The following CDYL variants were observed in gnomAD, a reference collection of about 807,000 sequenced individuals.
CDYL encodes the protein chromodomain Y-like protein.
In CDYL, 8 loss-of-function variants were observed where a neutral mutation model predicts 47.3. That is an observed-to-expected ratio of 0.17 (90% CI 0.10 to 0.31). CDYL has a LOEUF of 0.31. Among genes scored for constraint, CDYL ranks in the 10% least tolerant of loss-of-function variants. The pLI, the probability that CDYL is intolerant of heterozygous loss-of-function variation, is 1.00. For missense variants in CDYL, 471 were observed against 701.4 expected, an observed-to-expected ratio of 0.67 and a Z score of 3.71; for synonymous variants, 266 against 265.0, an observed-to-expected ratio of 1.00 and a Z score of -0.04.
chr6:4,947,258 C>G (rs77996387), intron 5 of CDYL, among the ~76,000 whole-genome samples: 7,987 of 152,252 alleles, frequency 0.052, 287 homozygotes, highest in Non-Finnish European at 0.071. Flanking sequence ...CTTACGTGTT[C>G]TGATAGGGAT....
chr6:4,719,363 A>G (rs959781355), intron 2 of CDYL, among the ~76,000 whole-genome samples: 2 of 152,192 alleles, frequency 1.3e-5, no homozygotes, highest in Non-Finnish European at 2.9e-5. Flanking sequence ...TAACGGTATT[A>G]ATACACATTG....
intron 2 of CDYL, among the ~76,000 whole-genome samples, chr6:4,925,610 G>T (rs1390634483): frequency 2.0e-5 from 3 of 151,842 alleles, no homozygotes; most frequent in South Asian, 2.1e-4. Context: ...TAGAGGCGGG[G>T]TTTCACCGTG....
intron 1 of CDYL, among the ~76,000 whole-genome samples, chr6:4,850,702 C>T (rs984071255): frequency 3.3e-5 from 5 of 152,054 alleles, no homozygotes; most frequent in African/African-American, 7.2e-5. Flanking sequence ...ATAGTTAGAT[C>T]GTGAAAGCCA....
intron 1 of CDYL, among the ~76,000 whole-genome samples, chr6:4,825,438 C>G (rs1400878103): frequency 6.6e-6 from 1 of 152,056 alleles, no homozygotes; most frequent in African/African-American, 2.4e-5. Flanking sequence ...GCTATAACTT[C>G]CAGTTATACA....
intron 2 of CDYL, among the ~76,000 whole-genome samples, chr6:4,719,293 T>TG (rs1757327386): frequency 6.6e-6 from 1 of 152,236 alleles, no homozygotes; most frequent in African/African-American, 2.4e-5. Context: ...TGCATGTATC[T>TG]GGGTGTCTCT....
intron 2 of CDYL, among the ~76,000 whole-genome samples, chr6:4,726,400 T>C (rs549821193): frequency 6.6e-6 from 1 of 151,942 alleles, no homozygotes; most frequent in South Asian, 2.1e-4. Flanking sequence ...CCAGGCGTGG[T>C]ACGCACCTGT....
chr6:4,787,632 A>G (rs920037051), intron 1 of CDYL, among the ~76,000 whole-genome samples: 2 of 152,142 alleles, frequency 1.3e-5, no homozygotes, highest in Non-Finnish European at 2.9e-5. Context: ...TCAACAGAAA[A>G]GAAATCGTGG....
chr6:4,741,226 C>T (rs985216486), intron 3 of CDYL, among the ~76,000 whole-genome samples: 3 of 152,118 alleles, frequency 2.0e-5, no homozygotes, highest in Non-Finnish European at 4.4e-5. Context: ...TCTTTTCAAC[C>T]TCCCAGGAAA....
chr6:4,854,668 G>A (rs1335156503), intron 1 of CDYL, among the ~76,000 whole-genome samples: 3 of 152,210 alleles, frequency 2.0e-5, no homozygotes, highest in Non-Finnish European at 2.9e-5. Context: ...GGGGAAGCAT[G>A]TGCCGTTGAG....
chr6:4,781,281 A>G (rs368512539), intron 1 of CDYL, among the ~76,000 whole-genome samples: 2 of 152,216 alleles, frequency 1.3e-5, no homozygotes, highest in East Asian at 1.9e-4. Flanking sequence ...GCTTTTACTT[A>G]CATTGACCAA....
intron 1 of CDYL, among the ~76,000 whole-genome samples, chr6:4,711,678 C>T (rs1158902611): frequency 6.6e-6 from 1 of 152,152 alleles, no homozygotes; most frequent in Admixed American, 6.5e-5. Flanking sequence ...CTGAGTTTGT[C>T]TTCTGGGTTA....
chr6:4,818,472 C>T (rs1759734907), intron 1 of CDYL, among the ~76,000 whole-genome samples: 1 of 152,088 alleles, frequency 6.6e-6, no homozygotes, highest in South Asian at 2.1e-4. Flanking sequence ...GCAGTCTTTG[C>T]CCTTAGTTGA....
chr6:4,799,393 T>C (rs1398862858), intron 1 of CDYL, among the ~76,000 whole-genome samples: 2 of 152,330 alleles, frequency 1.3e-5, no homozygotes, highest in East Asian at 3.9e-4. Flanking sequence ...TGATGGAGCT[T>C]TTCATAAATA....
chr6:4,819,156 C>CTGTGTGTGTGTGTGTGTG (rs1261981708), intron 1 of CDYL, among the ~76,000 whole-genome samples: 1 of 131,048 alleles, frequency 7.6e-6, no homozygotes, highest in African/African-American at 4.0e-5. Context: ...CTCTCTCTCT[C>CTGTGTGTGTGTGTGTGTG]TCTCTCTGTG....
chr6:4,708,165 CACACACACACACATATAT>C (rs1757081380), intron 1 of CDYL, among the ~76,000 whole-genome samples: 1 of 147,392 alleles, frequency 6.8e-6, no homozygotes, highest in Admixed American at 6.7e-5. Context: ...CACACACACA[CACACACACACACATATAT>C]ATATATATAT....
intron 1 of CDYL, among the ~76,000 whole-genome samples, chr6:4,822,297 C>A (rs942552201): frequency 2.6e-5 from 4 of 152,076 alleles, no homozygotes; most frequent in Non-Finnish European, 4.4e-5. Context: ...CTGTGCCCGG[C>A]AAAATCAGCT....
chr6:4,884,516 T>A (rs1338032930), intron 1 of CDYL, among the ~76,000 whole-genome samples: 1 of 152,222 alleles, frequency 6.6e-6, no homozygotes, highest in Non-Finnish European at 1.5e-5. Flanking sequence ...GGAGTGGGTC[T>A]TGTTGGGAGA....
intron 2 of CDYL, among the ~76,000 whole-genome samples, chr6:4,922,531 G>A (rs922647646): frequency 5.3e-5 from 8 of 152,226 alleles, no homozygotes; most frequent in African/African-American, 1.4e-4. Context: ...GAATGGGTGA[G>A]CGTGTTTCCT....
At chr6:4,750,729 G>A (rs185256578) in intron 3 of CDYL, among the ~76,000 whole-genome samples, 5 of 151,932 alleles carry the variant, frequency 3.3e-5, no homozygotes, top group African/African-American at 1.2e-4. Flanking sequence ...TAAAGATTCT[G>A]TACATACTGT....
Sources: gnomAD v4.1 joint callset for allele counts (sites outside exome capture counted in the v4.1 genomes callset) on GRCh38, gnomAD v4.1.1 for gene constraint, MANE v1.5 for transcripts, NCBI Gene and HGNC (gene_info 2026-07-23, HGNC 2026-07-21) for gene names.